PPCDC: variants seen among roughly 807,000 people sequenced by gnomAD.
The protein encoded by PPCDC is phosphopantothenoylcysteine decarboxylase.
A neutral mutation model predicts 20.7 loss-of-function variants in PPCDC; 20 were observed. The observed-to-expected ratio is 0.97, with a 90% CI of 0.68 to 1.41. PPCDC has a LOEUF of 1.41. Ranked by LOEUF, PPCDC falls within the 40% of genes most tolerant of loss-of-function variation. The pLI, the probability that PPCDC is intolerant of heterozygous loss-of-function variation, is 0.00. For missense variants in PPCDC, 246 were observed against 263.8 expected (o/e 0.93, Z 0.47); for synonymous variants, 88 against 100.3 (o/e 0.88, Z 0.73).
intron 2 of PPCDC, 52 bp from the exon 3 acceptor site, chr15:75,043,389 C>T (rs367631032): frequency 3.1e-5 from 47 of 1,508,822 alleles, no homozygotes; most frequent in South Asian, 2.9e-4. Flanking sequence ...GCCTGTGGCT[C>T]TGGTAACAGT....
chr15:75,035,248 A>AT (rs2066071354), intron 2 of PPCDC, among the ~76,000 whole-genome samples: 1 of 152,072 alleles, frequency 6.6e-6, no homozygotes, highest in Admixed American at 6.5e-5. Context: ...GTCCAGAGAC[A>AT]TTTTTGGTTG....
At chr15:75,026,310 G>A (rs922017506) in intron 1 of PPCDC, among the ~76,000 whole-genome samples, 2 of 152,186 alleles carry the variant, frequency 1.3e-5, no homozygotes, top group African/African-American at 4.8e-5. Flanking sequence ...TGTGTTCTGG[G>A]AAGAAGCTGG....
intron 4 of PPCDC, chr15:75,045,092 T>G (rs1223612078): frequency 1.9e-5 from 3 of 154,388 alleles, no homozygotes; most frequent in Non-Finnish European, 2.9e-5. Flanking sequence ...AAGTGGGCAC[T>G]GTCCTAGGCC....
rs749849692 is a variant in PPCDC, at chr15:75,043,471, G to A, written c.166G>A (p.Ala56Thr). 6 of 1,613,058 alleles carry A rather than the reference G, an allele frequency of 3.7e-6. No individual in the cohort carries two copies. Among genetic ancestry groups the A allele is most frequent in the Middle Eastern group, 1.6e-4 (1 of 6,082 alleles). The change falls in exon 3 of 6, where the codon GCC becomes ACC. Residue 56 changes from alanine (A) to threonine (T), a missense_variant. Physicochemically the swap from Ala to Thr is moderately conservative, Grantham distance 58. Coordinates refer to ENST00000342932, the MANE Select transcript of PPCDC (RefSeq NM_021823.5). ...LEVAVVTTER[A>T]KHFYSPQDIP... ...AGTAGCAGTGGTCACAACTGAGAGA[G>A]CCAAACATTTCTACAGCCCCCAGGA... is the stretch of plus-strand genomic sequence containing the variant.
rs1403674282 is a variant in PPCDC at position 75,037,516 on chromosome 15, G to T, written c.136-5925G>T. Among the ~76,000 whole-genome samples the T allele has an allele frequency of 2.0e-5, 3 of 152,340 alleles. No homozygotes were observed. The South Asian group carries it at 6.2e-4, about 32-fold the overall frequency. ...AATCCCAGCACTTTGGGAGGCAGAG[G>T]CATGTGGATTGCCCTAGCTCAGGAG... On this transcript the variant is annotated intron_variant, in intron 2 of 5. Coordinates refer to ENST00000342932, the MANE Select transcript of PPCDC (RefSeq NM_021823.5).
chr15:75,028,210 G>A, intron 1 of PPCDC, 37 bp from the exon 2 acceptor site: 3 of 1,433,724 alleles, frequency 2.1e-6, no homozygotes, highest in Non-Finnish European at 2.8e-6. Flanking sequence ...CTGGTCGACT[G>A]TATGAATGAA....
chr15:75,033,517 T>TGTG (rs1567051447), intron 2 of PPCDC, among the ~76,000 whole-genome samples: 2 of 151,724 alleles, frequency 1.3e-5, no homozygotes, highest in African/African-American at 4.8e-5. Context: ...GTGTGTGTGT[T>TGTG]TTTTTGTTTG....
At chr15:75,047,448 A>T (rs533858183) in intron 4 of PPCDC, among the ~76,000 whole-genome samples, 21 of 151,586 alleles carry the variant, frequency 1.4e-4, no homozygotes, top group South Asian at 8.3e-4. Flanking sequence ...TGTTCTCTGG[A>T]CTCCTTCGCT....
At chr15:75,048,514 A>G in intron 4 of PPCDC, 39 bp from the exon 5 acceptor site, 1 of 1,598,458 alleles carries the variant, frequency 6.3e-7, no homozygotes, top group Non-Finnish European at 8.5e-7. Flanking sequence ...GGTGGCAGAC[A>G]GAGTAGCAAG....
At chr15:75,031,108 C>T (rs1340125353) in intron 2 of PPCDC, among the ~76,000 whole-genome samples, 2 of 152,124 alleles carry the variant, frequency 1.3e-5, no homozygotes. Context: ...CTTATCCACA[C>T]AGTGAAGGAG....
intron 4 of PPCDC, among the ~76,000 whole-genome samples, chr15:75,048,148 G>T (rs967736305): frequency 2.0e-5 from 3 of 152,168 alleles, no homozygotes; most frequent in African/African-American, 7.2e-5. Context: ...ACTTTAGTTG[G>T]CCTCGGAGAG....
intron 1 of PPCDC, among the ~76,000 whole-genome samples, chr15:75,026,747 TA>T (rs1376793426): frequency 6.6e-6 from 1 of 152,194 alleles, no homozygotes; most frequent in Non-Finnish European, 1.5e-5. Context: ...GTGCATCTTC[TA>T]GGACCTTCTG....
intron 3 of PPCDC, 123 bp from the exon 4 acceptor site, chr15:75,044,263 C>CGG (rs1567062495): frequency 7.2e-7 from 1 of 1,388,100 alleles, no homozygotes; most frequent in Non-Finnish European, 9.9e-7. Context: ...CAGGAGGGAA[C>CGG]GGAGGTTGGC....
intron 2 of PPCDC, among the ~76,000 whole-genome samples, chr15:75,036,871 C>T (rs945863404): frequency 4.0e-5 from 6 of 151,874 alleles, no homozygotes; most frequent in African/African-American, 1.5e-4. Flanking sequence ...GAGTTTTGCC[C>T]TGTTGCCCAG....
chr15:75,038,339 A>T (rs1159851838), intron 2 of PPCDC, among the ~76,000 whole-genome samples: 1 of 152,074 alleles, frequency 6.6e-6, no homozygotes, highest in African/African-American at 2.4e-5. Context: ...GGGGCTACTG[A>T]TGGTGGTGCT....
chr15:75,026,927 A>G (rs902261545), intron 1 of PPCDC, among the ~76,000 whole-genome samples: 1 of 152,058 alleles, frequency 6.6e-6, no homozygotes, highest in Non-Finnish European at 1.5e-5. Context: ...GGAGCACACC[A>G]TGGTCAGGGC....
At chr15:75,024,508 C>T (rs998059751) in intron 1 of PPCDC, among the ~76,000 whole-genome samples, 15 of 151,752 alleles carry the variant, frequency 9.9e-5, no homozygotes, top group Non-Finnish European at 1.9e-4. Context: ...CAACCATACC[C>T]GGCTAATTTT....
chr15:75,036,704 C>G lies in PPCDC; in HGVS notation c.136-6737C>G, dbSNP rs1181926188. ...CCAGGGGACAGTGGGGGCCTAAAGG[C>G]TCTGAGACCTTGAGTGACGGTGTAG... On this transcript the variant is annotated intron_variant, in intron 2 of 5. Transcript: ENST00000342932. 2.0e-5 allele frequency among the ~76,000 whole-genome samples: 3 copies of G among 152,154 alleles called. No individual in the cohort carries two copies. In the East Asian group the frequency reaches 5.8e-4, roughly 29 times the overall value.
intron 1 of PPCDC, among the ~76,000 whole-genome samples, chr15:75,027,815 C>G (rs895571291): frequency 3.3e-5 from 5 of 152,184 alleles, no homozygotes; most frequent in Non-Finnish European, 1.5e-5. Flanking sequence ...TACCACCCCC[C>G]ATCACAGTCC....
Sources: gnomAD v4.1 joint callset for allele counts (sites outside exome capture counted in the v4.1 genomes callset) on GRCh38, gnomAD v4.1.1 for gene constraint, MANE v1.5 for transcripts, NCBI Gene and HGNC (gene_info 2026-07-23, HGNC 2026-07-21) for gene names.